SPRED2: variants seen among roughly 807,000 people sequenced by gnomAD.
SPRED2 encodes the protein sprouty-related, EVH1 domain-containing protein 2.
SPRED2 carries 47 observed loss-of-function variants against 43.0 expected under a neutral mutation model. The observed-to-expected ratio is 1.09, with a 90% CI of 0.87 to 1.40. The LOEUF (loss-of-function observed/expected upper bound fraction) is 1.40. Ranked by LOEUF, SPRED2 falls within the 40% of genes most tolerant of loss-of-function variation. The pLI, the probability that SPRED2 is intolerant of heterozygous loss-of-function variation, is 0.00. For synonymous variants in SPRED2, 225 were observed against 225.7 expected, an observed-to-expected ratio of 1.00 and a Z score of 0.03; for missense variants, 561 against 586.4, an observed-to-expected ratio of 0.96 and a Z score of 0.45.
chr2:65,369,249 G>C (rs1175321808), intron 1 of SPRED2, among the ~76,000 whole-genome samples: 1 of 151,174 alleles, frequency 6.6e-6, no homozygotes, highest in East Asian at 2.0e-4. Context: ...TTTTATAAGG[G>C]GAGACACATA....
Position 65,313,870 on chromosome 2 carries a change from C to A in SPRED2, c.888G>T (p.Lys296Asn). The A allele has an allele frequency of 6.2e-7, 1 of 1,610,812 alleles. No homozygotes were observed. Among genetic ancestry groups the A allele is most frequent in the Non-Finnish European group, 8.5e-7 (1 of 1,179,830 alleles). The stretch of plus-strand genomic sequence containing the variant: ...CTCCGTCCTCCTTCCGCCGCCGCGA[C>A]TTGCCCCGGGAGGGCTGCGTCTTGA... ...SVIKTQPSRG[K>N]SRRRKEDGER... is the part of the protein sequence containing the mutation. The change falls in exon 6 of 6, where the codon AAG becomes AAT. Residue 296 changes from lysine (K) to asparagine (N), a missense_variant. By Grantham distance (94) the Lys-to-Asn change is moderately conservative. Transcript: ENST00000356388.
rs142535489 is a variant in SPRED2, at chr2:65,376,690, C to A, written c.27-31794G>T. On this transcript the variant is annotated intron_variant, in intron 1 of 5. Coordinates refer to ENST00000356388, the MANE Select transcript of SPRED2 (RefSeq NM_181784.3). ...AAGCACGTTATTCACATGTTCTAGA[C>A]CTTGCTGTTTATCTCTTCACAGTCT... Among the ~76,000 whole-genome samples, 194 of 152,206 alleles carry A rather than the reference C, an allele frequency of 1.3e-3. 3 individuals are homozygous for A. The highest frequency in any genetic ancestry group is 0.011 in the Admixed American group (174 of 15,284).
intron 4 of SPRED2, among the ~76,000 whole-genome samples, chr2:65,325,981 A>AG (rs1413422442): frequency 7.6e-6 from 1 of 131,306 alleles, no homozygotes; most frequent in African/African-American, 3.5e-5. Flanking sequence ...AGACTGTCTC[A>AG]AAAAAAAAAA....
At chr2:65,315,441 C>T (rs1673205927) in intron 5 of SPRED2, among the ~76,000 whole-genome samples, 1 of 152,114 alleles carries the variant, frequency 6.6e-6, no homozygotes, top group African/African-American at 2.4e-5. Context: ...TTAGATTTAC[C>T]CATCACTTCC....
chr2:65,400,667 A>G (rs1675865066), intron 1 of SPRED2, among the ~76,000 whole-genome samples: 2 of 151,688 alleles, frequency 1.3e-5, no homozygotes, highest in South Asian at 2.1e-4. Flanking sequence ...GTTCGTCCCT[A>G]TTTCCTAGAT....
chr2:65,416,531 TAAG>T (rs750563273), intron 1 of SPRED2, among the ~76,000 whole-genome samples: 13 of 152,006 alleles, frequency 8.6e-5, no homozygotes, highest in Non-Finnish European at 1.8e-4. Flanking sequence ...TCCTTTATGC[TAAG>T]AAGAATGCCC....
At chr2:65,360,088 A>C (rs570188937) in intron 1 of SPRED2, among the ~76,000 whole-genome samples, 112 of 67,344 alleles carry the variant, frequency 1.7e-3, no homozygotes, top group South Asian at 2.9e-3. Context: ...ACAAAAAAAA[A>C]CAAAAAAAAA....
intron 4 of SPRED2, 132 bp downstream of exon 4, chr2:65,331,853 CAG>C: frequency 1.6e-6 from 1 of 634,016 alleles, no homozygotes; most frequent in Non-Finnish European, 2.7e-6. Context: ...TGTAGTAAGA[CAG>C]AGATCGCTCT....
Position 65,375,442 on chromosome 2 carries a change from T to C in SPRED2, c.27-30546A>G, listed in dbSNP as rs567623081. The stretch of plus-strand genomic sequence containing the variant: ...CTCAACTGACCAGCACTCATCCTCA[T>C]AATAGTACTCACGTAGTCCTCATTC... On this transcript the variant is annotated intron_variant, in intron 1 of 5. Coordinates refer to ENST00000356388, the MANE Select transcript of SPRED2 (RefSeq NM_181784.3). 8.5e-5 allele frequency among the ~76,000 whole-genome samples: 13 copies of C among 152,208 alleles called. No individual in the cohort carries two copies. The South Asian group carries it at 2.7e-3, about 32-fold the overall frequency.
At chr2:65,318,967 T>G (rs765793033) in intron 4 of SPRED2, among the ~76,000 whole-genome samples, 1 of 152,222 alleles carries the variant, frequency 6.6e-6, no homozygotes, top group Non-Finnish European at 1.5e-5. Context: ...ACTTTACATG[T>G]TTTTGTTAGC....
At chr2:65,353,538 G>A (rs1289944379) in intron 1 of SPRED2, among the ~76,000 whole-genome samples, 2 of 152,144 alleles carry the variant, frequency 1.3e-5, no homozygotes, top group Admixed American at 1.3e-4. Context: ...TGGACCTCTA[G>A]TATTTTAGTT....
chr2:65,362,625 A>G (rs1444582108), intron 1 of SPRED2, among the ~76,000 whole-genome samples: 1 of 152,032 alleles, frequency 6.6e-6, no homozygotes, highest in African/African-American at 2.4e-5. Flanking sequence ...TTGGGAGGCC[A>G]AGGTGGGTGG....
chr2:65,399,428 G>T (rs1457352309), intron 1 of SPRED2, among the ~76,000 whole-genome samples: 1 of 145,154 alleles, frequency 6.9e-6, no homozygotes, highest in African/African-American at 2.6e-5. Flanking sequence ...TGTCGCCCAG[G>T]CTGGAGTGCA....
intron 4 of SPRED2, among the ~76,000 whole-genome samples, chr2:65,317,762 T>C (rs1225914104): frequency 6.6e-6 from 1 of 151,882 alleles, no homozygotes; most frequent in Non-Finnish European, 1.5e-5. Context: ...AGAATAAATT[T>C]TGTATCTTTG....
Position 65,332,993 on chromosome 2 carries a change from C to T in SPRED2, c.374-942G>A, listed in dbSNP as rs569755845. On this transcript the variant is annotated intron_variant, in intron 3 of 5. Transcript: ENST00000356388. ...TTTAGAAAATATTTTGCTGGCCAGA[C>T]GCAGTGGCTCACGCCTGCAATCCGA... Among the ~76,000 whole-genome samples, 5 of 152,242 alleles carry T rather than the reference C, an allele frequency of 3.3e-5. No homozygotes were observed. The South Asian group carries it at 8.3e-4, about 25-fold the overall frequency.
At chr2:65,345,630 T>C (rs941999763) in intron 1 of SPRED2, among the ~76,000 whole-genome samples, 2 of 152,216 alleles carry the variant, frequency 1.3e-5, no homozygotes, top group Non-Finnish European at 2.9e-5. Context: ...GACCAAGTTT[T>C]AACATTTTAT....
chr2:65,401,937 G>GCGCGCACGCACACACACACA (rs776512353), intron 1 of SPRED2, among the ~76,000 whole-genome samples: 20 of 114,712 alleles, frequency 1.7e-4, no homozygotes, highest in African/African-American at 6.8e-4. Context: ...GCGCGCGCGC[G>GCGCGCACGCACACACACACA]CACACACACA....
In SPRED2 at chr2:65,366,938, A is replaced by G. The variant is rs1027572672; in HGVS notation, c.27-22042T>C. On this transcript the variant is annotated intron_variant, in intron 1 of 5. Transcript: ENST00000356388. Reference sequence around the variant, plus strand: ...AAAATTCCTGTAAGTTATGATTACCAATCATTGATGAAAGGATGAAATGCC... The same window carrying G: ...AAAATTCCTGTAAGTTATGATTACCGATCATTGATGAAAGGATGAAATGCC... 1.3e-5 allele frequency: 3 copies of G among 225,178 alleles called. No homozygotes were observed. The Admixed American group carries it at 2.0e-4, about 15-fold the overall frequency. The allele number at this position is 225,178 out of a possible 1,614,324, so 13.9% of individuals were successfully genotyped here.
At chr2:65,389,066 G>A (rs1675571765) in intron 1 of SPRED2, among the ~76,000 whole-genome samples, 1 of 152,120 alleles carries the variant, frequency 6.6e-6, no homozygotes, top group African/African-American at 2.4e-5. Flanking sequence ...CTATGCTCTG[G>A]CCTCTGAGAC....
Sources: allele counts gnomAD v4.1 joint callset (sites outside exome capture counted in the v4.1 genomes callset), GRCh38; gene constraint gnomAD v4.1.1; transcripts MANE v1.5; gene names NCBI Gene and HGNC (gene_info 2026-07-23, HGNC 2026-07-21).